Variants in MCFD2 observed in about 807,000 individuals in gnomAD.
MCFD2 encodes multiple coagulation factor deficiency protein 2.
Under a neutral mutation model 12.8 loss-of-function variants are expected in MCFD2, and 11 were observed. The ratio of observed to expected loss-of-function variants is 0.86; its 90% CI spans 0.54 to 1.42. The LOEUF is 1.42. MCFD2 is among the 40% of genes most tolerant of loss of function. The pLI is 0.00. For synonymous variants in MCFD2, 70 were observed against 68.1 expected, an observed-to-expected ratio of 1.03 and a Z score of -0.14; for missense variants, 191 against 178.6, an observed-to-expected ratio of 1.07 and a Z score of -0.40.
At chr2:46,911,328 A>G (rs1291874836) in intron 1 of MCFD2, among the ~76,000 whole-genome samples, 1 of 151,652 alleles carries the variant, frequency 6.6e-6, no homozygotes, top group Admixed American at 6.6e-5. Flanking sequence ...GGGTTTCACC[A>G]TCTTGGCCAG....
intron 1 of MCFD2, among the ~76,000 whole-genome samples, chr2:46,936,393 A>C (rs1669981192): frequency 6.6e-6 from 1 of 152,100 alleles, no homozygotes; most frequent in African/African-American, 2.4e-5. Flanking sequence ...CTTTATGAGA[A>C]CTTTTCTCAG....
chr2:46,917,500 CG>C (rs1668872990), upstream of MCFD2, among the ~76,000 whole-genome samples: 1 of 152,178 alleles, frequency 6.6e-6, no homozygotes, highest in Admixed American at 6.5e-5. Context: ...ATGTACTAGG[CG>C]CTCTACTAGG....
Position 46,915,792 on chromosome 2 carries a change from T to G in MCFD2, c.-76A>C. 5 of 818,436 alleles carry G rather than the reference T, an allele frequency of 6.1e-6. No homozygotes were observed. The highest frequency in any genetic ancestry group is 7.1e-6 in the Non-Finnish European group (5 of 708,164). The allele number at this position is 818,436 out of a possible 1,614,324, so 50.7% of individuals were successfully genotyped here. The stretch of plus-strand genomic sequence containing the variant: ...TCACCAGCCCCCGTCCCCAAAACGC[T>G]CTTCCTCGGCTTCGCCCCGCCCCCC... On this transcript the variant is annotated 5_prime_UTR_variant, in exon 1 of 4. Coordinates refer to ENST00000319466, the MANE Select transcript of MCFD2 (RefSeq NM_139279.6).
At chr2:46,906,339 C>T (rs1668232445) in intron 3 of MCFD2, among the ~76,000 whole-genome samples, 1 of 152,154 alleles carries the variant, frequency 6.6e-6, no homozygotes, top group South Asian at 2.1e-4. Context: ...CATTCATGCT[C>T]CCTGCTGCCT....
rs1232991876 is a variant in MCFD2, at chr2:46,903,265, G to C, written c.*2198C>G. On this transcript the variant is annotated 3_prime_UTR_variant, in exon 4 of 4. Transcript: ENST00000319466. Reference sequence around the variant, plus strand: ...CCACCATGATTCTGAGGCCTCCCCAGCCATGTGGAACTTTAAGTCCAATTA... The same window carrying C: ...CCACCATGATTCTGAGGCCTCCCCACCCATGTGGAACTTTAAGTCCAATTA... 3 of 155,956 alleles carry C rather than the reference G, an allele frequency of 1.9e-5. No homozygotes were observed. Among genetic ancestry groups the C allele is most frequent in the Non-Finnish European group, 4.2e-5 (3 of 71,050 alleles). 9.7% of individuals were successfully genotyped at this position (155,956 alleles called of 1,614,324 possible). A position where few individuals can be genotyped will look rare whatever the true frequency, so the allele number is the denominator to read the frequency against.
In MCFD2 at chr2:46,907,234, G is replaced by A. The variant is rs1012654716; in HGVS notation, c.309+576C>T. The A allele has an allele frequency of 5.9e-6, 1 of 168,782 alleles. No homozygotes were observed. The highest frequency in any genetic ancestry group is 2.4e-5 in the African/African-American group (1 of 41,542). The allele number at this position is 168,782 out of a possible 1,614,324, so 10.5% of individuals were successfully genotyped here. A position where few individuals can be genotyped will look rare whatever the true frequency, so the allele number is the denominator to read the frequency against. On this transcript the variant is annotated intron_variant, in intron 3 of 3. Transcript: ENST00000319466. This position sits in a 1 kb window ranked among gnomAD's most constrained non-coding sequence, Gnocchi z 4.1. ...TTTAGGCACTGATTCTCATACTCTG[G>A]TGTGTAACAGAAATGCCTGTAGCAC...
At chr2:46,919,642 C>T (rs1025006403), upstream of MCFD2, among the ~76,000 whole-genome samples, 3 of 152,216 alleles carry the variant, frequency 2.0e-5, no homozygotes. Context: ...AAATCTCAAG[C>T]CTGGTTAACA....
Position 46,937,071 on chromosome 2 carries a change from G to A in MCFD2, c.-8+4501C>T, listed in dbSNP as rs555064387. Among the ~76,000 whole-genome samples, 5 of 152,036 alleles carry A rather than the reference G, an allele frequency of 3.3e-5. No homozygotes were observed. The highest frequency in any genetic ancestry group is 6.6e-5 in the Admixed American group (1 of 15,262). ...GGTTTTTGCCATATTGCCCAGGCTC[G>A]TCTCGAACTCCTGAGCTCAAGTGAT... On this transcript the variant is annotated intron_variant, in intron 1 of 2. Coordinates refer to the MCFD2 transcript ENST00000409147. The surrounding 1 kb of genome is among the most constrained non-coding windows in gnomAD (Gnocchi z 4.0).
intron 1 of MCFD2, among the ~76,000 whole-genome samples, chr2:46,934,787 C>CTTTTCT (rs1669883537): frequency 6.0e-5 from 4 of 66,888 alleles, no homozygotes; most frequent in African/African-American, 2.6e-4. Context: ...GACTACTGCT[C>CTTTTCT]TTTTTTTTTT....
intron 1 of MCFD2, among the ~76,000 whole-genome samples, chr2:46,911,372 C>T: frequency 6.6e-6 from 1 of 151,660 alleles, no homozygotes; most frequent in East Asian, 2.0e-4. Flanking sequence ...AGGTGATCCA[C>T]CCGCCTCGGC....
At chr2:46,938,282 A>T (rs1670079278) in intron 1 of MCFD2, among the ~76,000 whole-genome samples, 2 of 152,214 alleles carry the variant, frequency 1.3e-5, no homozygotes, top group African/African-American at 4.8e-5. Flanking sequence ...ACAACCTTAC[A>T]AACTTGATGG....
At chr2:46,922,744 G>A (rs914449678) in intron 1 of MCFD2, among the ~76,000 whole-genome samples, 2 of 151,990 alleles carry the variant, frequency 1.3e-5, no homozygotes, top group Non-Finnish European at 2.9e-5. Context: ...GAGGGGCGGG[G>A]GGCTCTTCCC....
At chr2:46,916,215 A>G (rs1668781913), upstream of MCFD2, 1 of 959,868 alleles carries the variant, frequency 1.0e-6, no homozygotes, top group African/African-American at 1.8e-5. Flanking sequence ...AGTTGGGAAG[A>G]AAGATAATAG....
Position 46,940,417 on chromosome 2 carries a change from G to C in MCFD2, c.-8+1155C>G, listed in dbSNP as rs1021023337. On this transcript the variant is annotated intron_variant, in intron 1 of 2. Transcript: ENST00000409147. The surrounding 1 kb of genome is among the most constrained non-coding windows in gnomAD (Gnocchi z 4.7). Reference sequence around the variant, plus strand: ...CGGCAGCGGGGCCGGGCCCCTGTAAGAGGTCTCCCCCCAAGGGTGGACCTC... The same window carrying C: ...CGGCAGCGGGGCCGGGCCCCTGTAACAGGTCTCCCCCCAAGGGTGGACCTC... Among the ~76,000 whole-genome samples, 1 of 152,114 alleles carries C rather than the reference G, an allele frequency of 6.6e-6. No individual in the cohort carries two copies. Among genetic ancestry groups the C allele is most frequent in the African/African-American group, 2.4e-5 (1 of 41,416 alleles).
At position 46,902,315 on chromosome 2, in the gene MCFD2, A is replaced by G. The variant is rs1422855648; in HGVS notation, c.*3148T>C. ...AATATCCCTCTTGACTAGAACTTCTATCTGATTAATCATTGTTTGGTGAAT... is the reference window on the plus strand; with the variant it reads ...AATATCCCTCTTGACTAGAACTTCTGTCTGATTAATCATTGTTTGGTGAAT... On this transcript the variant is annotated 3_prime_UTR_variant, in exon 4 of 4. Coordinates refer to ENST00000319466, the MANE Select transcript of MCFD2 (RefSeq NM_139279.6). 6.6e-6 allele frequency: 1 copy of G among 152,668 alleles called. No individual in the cohort carries two copies. Among genetic ancestry groups the G allele is most frequent in the East Asian group, 1.9e-4 (1 of 5,204 alleles). The allele number at this position is 152,668 out of a possible 1,614,324, so 9.5% of individuals were successfully genotyped here.
rs145556823 is a variant in MCFD2, at chr2:46,930,517, T to TTTG, written c.-8+11054_-8+11055insCAA. On this transcript the variant is annotated intron_variant, in intron 1 of 2. Coordinates refer to the MCFD2 transcript ENST00000409147. ...CTATAATTTTTTTTTTTTTTTTTTT[T>TTTG]AGACAAAGTCTCACTCTTGTACCCC... 2.5e-3 allele frequency among the ~76,000 whole-genome samples: 364 copies of TTTG among 145,860 alleles called. 1 individual carries two copies. The highest frequency in any genetic ancestry group is 9.1e-3 in the African/African-American group (352 of 38,696).
chr2:46,922,457 C>T (rs1253120730), intron 1 of MCFD2, among the ~76,000 whole-genome samples: 2 of 152,002 alleles, frequency 1.3e-5, no homozygotes, highest in Non-Finnish European at 2.9e-5. Context: ...CTTGTGGGTT[C>T]CTGGTTTATA....
chr2:46,916,147 C>T, upstream of MCFD2: 1 of 985,540 alleles, frequency 1.0e-6, no homozygotes, highest in Non-Finnish European at 1.2e-6. Flanking sequence ...CTCCCAACTC[C>T]GCTCACCCCC....
chr2:46,930,666 A>G (rs377675213), intron 1 of MCFD2, among the ~76,000 whole-genome samples: 10 of 152,004 alleles, frequency 6.6e-5, no homozygotes, highest in African/African-American at 2.4e-4. Flanking sequence ...CGTGCAGCTA[A>G]TTTTTGTATT....
Sources: allele counts gnomAD v4.1 joint callset (sites outside exome capture counted in the v4.1 genomes callset), GRCh38; gene constraint gnomAD v4.1.1; non-coding constraint Gnocchi (gnomAD v3.1); transcripts MANE v1.5; gene names NCBI Gene and HGNC (gene_info 2026-07-23, HGNC 2026-07-21).